Variants in GREB1 observed in about 807,000 individuals in gnomAD.
GREB1 encodes the protein growth regulating estrogen receptor binding 1, also known as protein GREB1.
A neutral mutation model predicts 200.7 loss-of-function variants in GREB1; 106 were observed. The observed-to-expected ratio is 0.53, with a 90% confidence interval of 0.45 to 0.62. The LOEUF is 0.62. Ranked by LOEUF, GREB1 falls within the 20% of genes least tolerant of loss-of-function variation. GREB1 has a pLI of 0.00. For missense variants in GREB1, 2,243 were observed against 2,556.8 expected, an observed-to-expected ratio of 0.88 and a Z score of 2.65; for synonymous variants, 1,132 against 1,092.4, an observed-to-expected ratio of 1.04 and a Z score of -0.72.
intron 11 of GREB1, among the ~76,000 whole-genome samples, chr2:11,593,531 G>A (rs1023423732): frequency 1.3e-5 from 2 of 152,218 alleles, no homozygotes; most frequent in Non-Finnish European, 2.9e-5. Flanking sequence ...CTGTTGCCCA[G>A]GCTGGAGTGC....
At chr2:11,556,363 C>T (rs1558538936) in intron 1 of GREB1, 91 bp from the exon 2 acceptor site, 4 of 304,290 alleles carry the variant, frequency 1.3e-5, no homozygotes, top group Non-Finnish European at 1.8e-5. Context: ...GAGGCAGCTC[C>T]TAGTGAAACA....
At chr2:11,503,354 G>A (rs1673098634) in intron 1 of GREB1, among the ~76,000 whole-genome samples, 1 of 152,146 alleles carries the variant, frequency 6.6e-6, no homozygotes, top group Non-Finnish European at 1.5e-5. Flanking sequence ...CATTATTGAT[G>A]TAGTTCATTT....
Position 11,576,378 on chromosome 2 carries a change from T to C in GREB1, c.480T>C (p.Cys160=), listed in dbSNP as rs1678859270. The part of the protein sequence containing the change: ...LLGFSGNCVG[C]GKKGFCYFTE... ...GTTTCTCTGGGAATTGTGTTGGCTGTGGAAAGAAAGGCTTCTGTTACTTCA... is the reference window on the plus strand; with the variant it reads ...GTTTCTCTGGGAATTGTGTTGGCTGCGGAAAGAAAGGCTTCTGTTACTTCA... The change falls in exon 5 of 33, where the codon TGT becomes TGC. Residue 160 remains cysteine (C), a synonymous_variant. Coordinates refer to ENST00000381486, the MANE Select transcript of GREB1 (RefSeq NM_014668.4). The C allele has an allele frequency of 6.2e-7, 1 of 1,613,588 alleles. No individual in the cohort carries two copies. Among genetic ancestry groups the C allele is most frequent in the African/African-American group, 1.3e-5 (1 of 74,868 alleles).
chr2:11,528,376 G>A (rs183507940), intron 1 of GREB1, among the ~76,000 whole-genome samples: 6 of 152,310 alleles, frequency 3.9e-5, no homozygotes, highest in Admixed American at 6.5e-5. Flanking sequence ...TATTTACTCC[G>A]ATCAAGTGTT....
In GREB1 at chr2:11,630,057, G is replaced by A; in HGVS notation, c.4559G>A (p.Ser1520Asn). 4 of 1,614,204 alleles carry A rather than the reference G, an allele frequency of 2.5e-6. No individual in the cohort carries two copies. The highest frequency in any genetic ancestry group is 2.5e-6 in the Non-Finnish European group (3 of 1,180,034). ...TCCAAGGAGCACCACTTTGTCTTCA[G>A]CCAACCTGGAGGCCAGCTGGAGAGC... ...PKSKEHHFVF[S>N]QPGGQLESMR... The change falls in exon 26 of 33, where the codon AGC (serine) becomes AAC (asparagine). Residue 1520 changes from serine to asparagine, a missense_variant. Physicochemically the swap from Ser to Asn is conservative, Grantham distance 46. Transcript: ENST00000381486.
At position 11,556,453 on chromosome 2, in the gene GREB1, G is replaced by A; in HGVS notation, c.-161-1G>A. 1 of 537,852 alleles carries A rather than the reference G, an allele frequency of 1.9e-6. No homozygotes were observed. Among genetic ancestry groups the A allele is most frequent in the Non-Finnish European group, 3.2e-6 (1 of 307,708 alleles). The allele number at this position is 537,852 out of a possible 1,614,324, so 33.3% of individuals were successfully genotyped here. On this transcript the variant is annotated splice_acceptor_variant, in intron 1 of 32. Coordinates refer to ENST00000381486, the MANE Select transcript of GREB1 (RefSeq NM_014668.4). LOFTEE classifies it low-confidence loss of function (5UTR_SPLICE). ...TATAACTTCCTGTAATTGCCCGGCAGTAGCTGCAGCTGAGGACAGCCACCC... is the reference window on the plus strand; with the variant it reads ...TATAACTTCCTGTAATTGCCCGGCAATAGCTGCAGCTGAGGACAGCCACCC...
intron 32 of GREB1, among the ~76,000 whole-genome samples, chr2:11,639,687 C>T (rs1685666974): frequency 6.6e-6 from 1 of 152,214 alleles, no homozygotes. Flanking sequence ...ACTGAATGAG[C>T]ACCAGCAGCA....
chr2:11,607,911 G>A (rs12478958), intron 17 of GREB1, among the ~76,000 whole-genome samples: 60,656 of 151,950 alleles, frequency 0.4, 12,472 homozygotes, highest in East Asian at 0.52. Context: ...TTCAAACACC[G>A]CCAAGACTGT....
At chr2:11,552,807 C>A (rs886473449) in intron 1 of GREB1, among the ~76,000 whole-genome samples, 7 of 151,756 alleles carry the variant, frequency 4.6e-5, no homozygotes, top group Non-Finnish European at 1.5e-5. Context: ...GTCAGGAGAT[C>A]GAGACCATCC....
chr2:11,495,275 G>A lies in GREB1; in HGVS notation c.-159+12894G>A, dbSNP rs189076388. On this transcript the variant is annotated intron_variant, in intron 1 of 2. Transcript: ENST00000628795. Reference sequence around the variant, plus strand: ...TACATTAGCACTAAGCTACACCGTAGCCTCAGAATGTAAGGACTAGGATAC... The same window carrying A: ...TACATTAGCACTAAGCTACACCGTAACCTCAGAATGTAAGGACTAGGATAC... Among the ~76,000 whole-genome samples the A allele has an allele frequency of 6.6e-4, 100 of 152,226 alleles. No homozygotes were observed. In the East Asian group the frequency reaches 0.017, roughly 26 times the overall value.
intron 6 of GREB1, among the ~76,000 whole-genome samples, chr2:11,578,649 A>G (rs1382576232): frequency 6.6e-6 from 1 of 152,182 alleles, no homozygotes; most frequent in Non-Finnish European, 1.5e-5. Flanking sequence ...TTTGATATGA[A>G]GTGGGATCCC....
intron 1 of GREB1, among the ~76,000 whole-genome samples, chr2:11,506,771 A>G (rs1673192739): frequency 6.6e-6 from 1 of 151,980 alleles, no homozygotes; most frequent in Admixed American, 6.6e-5. Flanking sequence ...GCAGCGTGGA[A>G]CCCTGAGCTC....
At chr2:11,598,928 CG>C in intron 15 of GREB1, 68 bp downstream of exon 15, 2 of 1,332,582 alleles carry the variant, frequency 1.5e-6, no homozygotes, top group Admixed American at 1.7e-5. Flanking sequence ...TGGATGTTCC[CG>C]GGGGCTGAGG....
chr2:11,591,416 G>T lies in GREB1; in HGVS notation c.1346-1360G>T, dbSNP rs373456158. 7 of 730,282 alleles carry T rather than the reference G, an allele frequency of 9.6e-6. No homozygotes were observed. The African/African-American group carries it at 1.2e-4, about 13-fold the overall frequency. 45.2% of individuals were successfully genotyped at this position (730,282 alleles called of 1,614,324 possible). A position where few individuals can be genotyped will look rare whatever the true frequency, so the allele number is the denominator to read the frequency against. On this transcript the variant is annotated intron_variant, in intron 10 of 32. Coordinates refer to ENST00000381486, the MANE Select transcript of GREB1 (RefSeq NM_014668.4). ...TCCAGCACATCAAATACGAAATCCG[G>T]ACGTATAAACCAGACAATTCATAAA...
chr2:11,628,919 G>A (rs761264366), intron 25 of GREB1, among the ~76,000 whole-genome samples: 2 of 152,200 alleles, frequency 1.3e-5, no homozygotes, highest in African/African-American at 2.4e-5. Context: ...CAGCTGGTGC[G>A]GGTGCAGAGG....
intron 1 of GREB1, among the ~76,000 whole-genome samples, chr2:11,503,652 C>A (rs987772662): frequency 1.3e-5 from 2 of 152,206 alleles, no homozygotes; most frequent in South Asian, 2.1e-4. Context: ...TCTTTCCTCA[C>A]ATTTTTGCCA....
chr2:11,628,486 G>A (rs187458871), intron 25 of GREB1, among the ~76,000 whole-genome samples: 23 of 152,258 alleles, frequency 1.5e-4, no homozygotes, highest in Middle Eastern at 6.8e-3. Context: ...TGCCGGGGAC[G>A]CAGCACTCAT....
chr2:11,525,837 C>T (rs1673854905), intron 1 of GREB1, among the ~76,000 whole-genome samples: 2 of 152,172 alleles, frequency 1.3e-5, no homozygotes, highest in Non-Finnish European at 2.9e-5. Flanking sequence ...TGTGAACTCA[C>T]CTCCTGCCTG....
At chr2:11,575,657 G>A (rs551858059) in intron 4 of GREB1, among the ~76,000 whole-genome samples, 3 of 152,196 alleles carry the variant, frequency 2.0e-5, no homozygotes, top group Admixed American at 1.3e-4. Context: ...ATTGTGAAGC[G>A]CTCCTGATTT....
Sources: gnomAD v4.1 joint callset for allele counts (sites outside exome capture counted in the v4.1 genomes callset) on GRCh38, gnomAD v4.1.1 for gene constraint, MANE v1.5 for transcripts, NCBI Gene and HGNC (gene_info 2026-07-23, HGNC 2026-07-21) for gene names.